EBF3: variants seen among roughly 807,000 people sequenced by gnomAD.
EBF3 encodes the protein EBF transcription factor 3, also known as transcription factor COE3.
A neutral mutation model predicts 77.1 loss-of-function variants in EBF3; 18 were observed. The observed-to-expected ratio is 0.23, with a 90% CI of 0.16 to 0.35. The LOEUF (loss-of-function observed/expected upper bound fraction) is 0.35. EBF3 is among the 10% of genes least tolerant of loss of function. The pLI is 1.00. For missense variants in EBF3, 558 were observed against 860.0 expected (o/e 0.65, Z 4.39); for synonymous variants, 350 against 343.5 (o/e 1.02, Z -0.21).
intron 6 of EBF3, among the ~76,000 whole-genome samples, chr10:129,953,044 A>AAAG (rs1185155936): frequency 2.6e-4 from 39 of 151,612 alleles, no homozygotes; most frequent in Non-Finnish European, 4.3e-4. Context: ...AAAAAAAAAA[A>AAAG]AAGAAGAAGA....
chr10:129,945,468 T>G (rs1236042759), intron 6 of EBF3, among the ~76,000 whole-genome samples: 3 of 152,168 alleles, frequency 2.0e-5, no homozygotes, highest in African/African-American at 7.2e-5. Context: ...TCACACGGAT[T>G]CCGTACAGTC....
At chr10:129,926,648 G>A (rs936453064) in intron 6 of EBF3, among the ~76,000 whole-genome samples, 3 of 152,250 alleles carry the variant, frequency 2.0e-5, no homozygotes, top group South Asian at 2.1e-4. Context: ...CTTCAAGGGC[G>A]GCTGGGACAG....
intron 6 of EBF3, among the ~76,000 whole-genome samples, chr10:129,918,195 T>C (rs1426814787): frequency 1.3e-5 from 2 of 152,234 alleles, no homozygotes; most frequent in Non-Finnish European, 2.9e-5. Flanking sequence ...CCTGGCATTT[T>C]TGAGAAGAGC....
chr10:129,934,832 A>C (rs1171015884), intron 6 of EBF3, among the ~76,000 whole-genome samples: 1 of 152,118 alleles, frequency 6.6e-6, no homozygotes, highest in African/African-American at 2.4e-5. Flanking sequence ...GTGCTCAAAG[A>C]AGCCCAAATT....
intron 6 of EBF3, among the ~76,000 whole-genome samples, chr10:129,909,091 A>C (rs1855340463): frequency 1.3e-5 from 2 of 152,232 alleles, no homozygotes; most frequent in Non-Finnish European, 2.9e-5. Context: ...TTGGAACTTG[A>C]AAGTGAATGG....
rs1851614476 is a variant in EBF3 at position 129,861,271 on chromosome 10, G to GGCCTCA, written c.1039+5864_1039+5869dup. 1.3e-5 allele frequency among the ~76,000 whole-genome samples: 2 copies of GGCCTCA among 152,076 alleles called. No individual in the cohort carries two copies. Among genetic ancestry groups the GGCCTCA allele is most frequent in the South Asian group, 4.1e-4 (2 of 4,820 alleles). On this transcript the variant is annotated intron_variant, in intron 10 of 16. Transcript: ENST00000440978. The surrounding 1 kb of genome is among the most constrained non-coding windows in gnomAD (Gnocchi z 4.3). ...TGAAATGACCCCAGTGATGGCAGTG[G>GGCCTCA]GCCTCACTCCCAGGGGAAGGGGCTG...
intron 6 of EBF3, among the ~76,000 whole-genome samples, chr10:129,931,960 T>C (rs1359888305): frequency 4.6e-5 from 7 of 152,070 alleles, no homozygotes; most frequent in Non-Finnish European, 8.8e-5. Context: ...TGACCAAGCC[T>C]CTGAACCTGG....
At chr10:129,865,507 C>CTG (rs1851942708) in intron 10 of EBF3, among the ~76,000 whole-genome samples, 1 of 152,196 alleles carries the variant, frequency 6.6e-6, no homozygotes, top group African/African-American at 2.4e-5. Flanking sequence ...GCGCCTGGTC[C>CTG]TGTGTGTGCT....
rs11016991 is a variant in EBF3, at chr10:129,874,556, T to C, written c.637-960A>G. 6.9e-3 allele frequency among the ~76,000 whole-genome samples: 1,045 copies of C among 152,318 alleles called. 6 individuals carry two copies. The highest frequency in any genetic ancestry group is 0.048 in the East Asian group (246 of 5,178). On this transcript the variant is annotated intron_variant, in intron 7 of 16. Coordinates refer to ENST00000440978, the MANE Select transcript of EBF3 (RefSeq NM_001375380.1). Reference sequence around the variant, plus strand: ...GCATTCATCCCGGACTAGCTGGAGCTGCAAAGATCTGAGGCCAGGTTTCAT... The same window carrying C: ...GCATTCATCCCGGACTAGCTGGAGCCGCAAAGATCTGAGGCCAGGTTTCAT...
chr10:129,960,778 CA>C (rs887403840), intron 4 of EBF3, among the ~76,000 whole-genome samples: 4 of 152,128 alleles, frequency 2.6e-5, no homozygotes, highest in African/African-American at 7.2e-5. Flanking sequence ...CTCTGTGCAA[CA>C]ACAGAGAAAC....
chr10:129,895,944 G>A (rs2134217697), intron 6 of EBF3, among the ~76,000 whole-genome samples: 1 of 152,344 alleles, frequency 6.6e-6, no homozygotes, highest in South Asian at 2.1e-4. Flanking sequence ...GGCGTGTGGA[G>A]CCATACTGTA....
chr10:129,890,393 C>T (rs1047394446), intron 6 of EBF3, among the ~76,000 whole-genome samples: 2 of 152,192 alleles, frequency 1.3e-5, no homozygotes, highest in African/African-American at 2.4e-5. Flanking sequence ...CCCCAAGGCC[C>T]GGAGGGACTC....
In EBF3 at chr10:129,872,371, T is replaced by G. The variant is rs191994193; in HGVS notation, c.781+1081A>C. ...TATTATATTTTTGTTCTCTTATACC[T>G]TAGTCATTAATGTAGAAAAACAAAT... On this transcript the variant is annotated intron_variant, in intron 8 of 16. Coordinates refer to ENST00000440978, the MANE Select transcript of EBF3 (RefSeq NM_001375380.1). 1.5e-3 allele frequency among the ~76,000 whole-genome samples: 229 copies of G among 152,186 alleles called. 1 individual carries two copies. Among genetic ancestry groups the G allele is most frequent in the African/African-American group, 5.3e-3 (219 of 41,440 alleles).
chr10:129,843,146 G>T lies in EBF3; in HGVS notation c.1185C>A (p.His395Gln). The part of the protein sequence containing the change: ...DLVEALYGMP[H>Q]NNQEIILKRA... ...GCCGCCCTCCACCTACCTGGTTGTT[G>T]TGAGGCATTCCGTATAAGGCTTCCA... Residue 395 changes from histidine (H) to glutamine (Q), a missense_variant, in exon 12 of 17, where the codon CAC becomes CAA. His to Gln is a conservative substitution (Grantham distance 24, BLOSUM62 0). This residue lies in a region of EBF3 where 284 missense variants were observed against 368.3 expected (regional missense o/e 0.77). Coordinates refer to ENST00000440978, the MANE Select transcript of EBF3 (RefSeq NM_001375380.1). 6.2e-7 allele frequency: 1 copy of T among 1,613,548 alleles called. No homozygotes were observed. The highest frequency in any genetic ancestry group is 8.5e-7 in the Non-Finnish European group (1 of 1,179,680).
chr10:129,963,017 G>A lies in EBF3; in HGVS notation c.292-12C>T, dbSNP rs765645566. The A allele has an allele frequency of 2.5e-6, 4 of 1,614,110 alleles. No individual in the cohort carries two copies. The East Asian group carries it at 8.9e-5, about 36-fold the overall frequency. Reference sequence around the variant, plus strand: ...TCGTTGTTTGGCTCCTGAAAGTAACGATAAATAATTGCATTTAGTGCGATC... The same window carrying A: ...TCGTTGTTTGGCTCCTGAAAGTAACAATAAATAATTGCATTTAGTGCGATC... On this transcript the variant is annotated splice_polypyrimidine_tract_variant and intron_variant, in intron 2 of 16. Transcript: ENST00000440978. This position sits in a 1 kb window ranked among gnomAD's most constrained non-coding sequence, Gnocchi z 7.1.
intron 9 of EBF3, 32 bp downstream of exon 9, chr10:129,867,750 C>T (rs1381513353): frequency 6.2e-7 from 1 of 1,611,076 alleles, no homozygotes. Flanking sequence ...AAGACAGCAA[C>T]AGCGCGAAGC....
chr10:129,869,768 C>T (rs947986399), intron 8 of EBF3, among the ~76,000 whole-genome samples: 3 of 152,170 alleles, frequency 2.0e-5, no homozygotes, highest in African/African-American at 4.8e-5. Context: ...CATCTCCCTC[C>T]GCAGCAGAGG....
chr10:129,864,395 A>G lies in EBF3; in HGVS notation c.1039+2746T>C, dbSNP rs750829977. 6.6e-5 allele frequency among the ~76,000 whole-genome samples: 10 copies of G among 152,208 alleles called. No individual in the cohort carries two copies. The highest frequency in any genetic ancestry group is 1.3e-4 in the Admixed American group (2 of 15,284). On this transcript the variant is annotated intron_variant, in intron 10 of 16. Coordinates refer to ENST00000440978, the MANE Select transcript of EBF3 (RefSeq NM_001375380.1). The surrounding 1 kb of genome is among the most constrained non-coding windows in gnomAD (Gnocchi z 4.4). ...CAACTGTCTCCAAATGCACAGCCCA[A>G]GGCCTTTCTCTGCAGCACTGGGGAC...
chr10:129,899,070 C>T (rs1375175159), intron 6 of EBF3, among the ~76,000 whole-genome samples: 1 of 152,240 alleles, frequency 6.6e-6, no homozygotes, highest in African/African-American at 2.4e-5. Flanking sequence ...GTCACTGTCT[C>T]CTCCTGCCTC....
Sources: gnomAD v4.1 joint callset for allele counts (sites outside exome capture counted in the v4.1 genomes callset) on GRCh38, gnomAD v4.1.1 for gene constraint, gnomAD v4.1.1 regional missense constraint, Gnocchi (gnomAD v3.1) non-coding constraint, MANE v1.5 for transcripts, NCBI Gene and HGNC (gene_info 2026-07-23, HGNC 2026-07-21) for gene names.